The following DGKK variants were observed in gnomAD, a reference collection of about 807,000 sequenced individuals.
DGKK encodes the protein diacylglycerol kinase kappa.
DGKK carries 35 observed loss-of-function variants against 92.2 expected under a neutral mutation model. The ratio of observed to expected loss-of-function variants is 0.38; its 90% confidence interval spans 0.29 to 0.50. The LOEUF is 0.50. Ranked by LOEUF, DGKK falls within the 20% of genes least tolerant of loss-of-function variation. The probability of loss-of-function intolerance (pLI) is 0.92; values close to 1 mark genes in which losing one functional copy is unlikely to be tolerated. For synonymous variants in DGKK, 368 were observed against 360.6 expected (o/e 1.02, Z -0.23); for missense variants, 910 against 992.2 (o/e 0.92, Z 1.11).
At chrX:50,402,587 A>G (rs782329527) in intron 7 of DGKK, among the ~76,000 whole-genome samples, 8 of 111,645 alleles carry the variant, frequency 7.2e-5, no homozygotes, top group Non-Finnish European at 1.3e-4. Context: ...TAAAATGGGA[A>G]CAATGAGGCC....
intron 27 of DGKK, among the ~76,000 whole-genome samples, chrX:50,369,378 C>T (rs1268646778): frequency 2.7e-5 from 3 of 111,610 alleles, no homozygotes; most frequent in African/African-American, 9.8e-5. Flanking sequence ...GGCATTCGTG[C>T]AAACTCTTAG....
chrX:50,432,785 T>G, intron 1 of DGKK, among the ~76,000 whole-genome samples: 1 of 112,282 alleles, frequency 8.9e-6, no homozygotes, highest in Middle Eastern at 4.6e-3. Flanking sequence ...GCCAAAAACA[T>G]AGAAACAGGA....
chrX:50,418,305 C>T (rs1313000123), intron 4 of DGKK, among the ~76,000 whole-genome samples: 4 of 111,920 alleles, frequency 3.6e-5, no homozygotes, highest in East Asian at 2.8e-4. Context: ...GTGTATATAG[C>T]GTCTCCCTAT....
intron 22 of DGKK, among the ~76,000 whole-genome samples, chrX:50,377,428 A>G (rs1924302709): frequency 1.8e-5 from 2 of 112,598 alleles, no homozygotes; most frequent in Middle Eastern, 4.6e-3. Flanking sequence ...GAATAAGTGT[A>G]TCCACCTCAT....
chrX:50,391,643 C>G (rs2046005968), intron 10 of DGKK, 67 bp from the exon 11 acceptor site: 4 of 1,113,365 alleles, frequency 3.6e-6, no homozygotes, highest in Admixed American at 2.3e-5. Flanking sequence ...ATGAAGGAAC[C>G]CAGAGGGTAC....
Position 50,376,757 on chromosome X carries a change from C to T in DGKK, c.3272+1G>A, listed in dbSNP as rs1557223881. 2 of 1,184,760 alleles carry T rather than the reference C, an allele frequency of 1.7e-6. No homozygotes were observed. The highest frequency in any genetic ancestry group is 2.3e-6 in the Non-Finnish European group (2 of 880,724). On this transcript the variant is annotated splice_donor_variant, in intron 23 of 27. Coordinates refer to ENST00000611977, the MANE Select transcript of DGKK (RefSeq NM_001013742.4). LOFTEE classifies it high-confidence loss of function. Reference sequence around the variant, plus strand: ...CCCTGTATCTAGGCCAGTCCACTTACTTGCTGATGAGGTTTTCTGCAAGCC... The same window carrying T: ...CCCTGTATCTAGGCCAGTCCACTTATTTGCTGATGAGGTTTTCTGCAAGCC...
At chrX:50,448,488 A>G (rs996514823) in intron 1 of DGKK, among the ~76,000 whole-genome samples, 3 of 111,337 alleles carry the variant, frequency 2.7e-5, no homozygotes, top group African/African-American at 9.8e-5. Flanking sequence ...ACACTAACTC[A>G]TACTAGTAGG....
intron 16 of DGKK, among the ~76,000 whole-genome samples, 196 bp from the exon 17 acceptor site, chrX:50,384,460 T>C (rs782016054): frequency 9.4e-4 from 104 of 111,032 alleles, no homozygotes; most frequent in Non-Finnish European, 1.7e-3. Context: ...AGAATAAAGC[T>C]GGGCTGCTTG....
intron 8 of DGKK, among the ~76,000 whole-genome samples, chrX:50,399,558 A>G (rs1334609136): frequency 8.9e-6 from 1 of 112,164 alleles, no homozygotes; most frequent in Admixed American, 9.5e-5. Flanking sequence ...AATTAGAGAA[A>G]TATAGATTAA....
intron 16 of DGKK, 43 bp downstream of exon 16, chrX:50,384,677 T>C: frequency 8.9e-7 from 1 of 1,119,451 alleles, no homozygotes; most frequent in Non-Finnish European, 1.2e-6. Context: ...TAAACAACAG[T>C]GACGAAGGCT....
At chrX:50,439,904 G>A (rs1926125837) in intron 1 of DGKK, among the ~76,000 whole-genome samples, 2 of 111,405 alleles carry the variant, frequency 1.8e-5, no homozygotes, top group African/African-American at 6.5e-5. Flanking sequence ...GGCTTCTGAT[G>A]ATAGGTATGA....
intron 11 of DGKK, among the ~76,000 whole-genome samples, chrX:50,391,050 C>T (rs1430437658): frequency 1.8e-5 from 2 of 111,500 alleles, no homozygotes; most frequent in East Asian, 2.9e-4. Context: ...AACCCTTGAA[C>T]GTTATCCATG....
At chrX:50,405,319 A>G (rs1173531059) in intron 4 of DGKK, among the ~76,000 whole-genome samples, 1 of 111,495 alleles carries the variant, frequency 9.0e-6, no homozygotes, top group South Asian at 3.9e-4. Context: ...GGGAAGGGTG[A>G]GCACCAAAAA....
intron 15 of DGKK, among the ~76,000 whole-genome samples, chrX:50,385,125 G>T (rs1924513793): frequency 9.0e-6 from 1 of 111,599 alleles, no homozygotes; most frequent in Non-Finnish European, 1.9e-5. Flanking sequence ...ACATGTGGTT[G>T]TGAGTAGAAG....
chrX:50,370,348 G>C (rs1924087865), intron 27 of DGKK, 78 bp downstream of exon 27: 2 of 1,087,071 alleles, frequency 1.8e-6, no homozygotes, highest in South Asian at 2.3e-5. Context: ...ATTTCTAATG[G>C]GGGCTTCAGG....
rs782416250 is a variant in DGKK, at chrX:50,470,340, CGGTTCTGGGGCCGGCTCTGTGGCA to C, written c.315_338del (p.Thr107_Ala114del). On this transcript the variant is annotated inframe_deletion, in exon 1 of 28. Coordinates refer to ENST00000611977, the MANE Select transcript of DGKK (RefSeq NM_001013742.4). ...CAGACTCTGTGGCAGGTTCTGGGGC[CGGTTCTGGGGCCGGCTCTGTGGCA>C]GGTTCTGGGGCCGGCTCTGTGGCAG... The C allele has an allele frequency of 6.5e-4, 790 of 1,206,220 alleles. 4 individuals carry two copies. The South Asian group carries it at 7.2e-3, about 11-fold the overall frequency.
intron 1 of DGKK, among the ~76,000 whole-genome samples, chrX:50,431,659 G>C (rs1352093579): frequency 9.0e-6 from 1 of 111,231 alleles, no homozygotes; most frequent in African/African-American, 3.3e-5. Flanking sequence ...GCTTGGGTTA[G>C]AGTGCTGGGA....
At chrX:50,434,494 T>TAA (rs1569544900) in intron 1 of DGKK, among the ~76,000 whole-genome samples, 1 of 111,066 alleles carries the variant, frequency 9.0e-6, no homozygotes, top group Non-Finnish European at 1.9e-5. Flanking sequence ...TGATGACGGT[T>TAA]ATCATGATCT....
At chrX:50,384,417 C>T (rs1366995231) in intron 16 of DGKK, among the ~76,000 whole-genome samples, 153 bp from the exon 17 acceptor site, 3 of 111,284 alleles carry the variant, frequency 2.7e-5, no homozygotes, top group Non-Finnish European at 5.7e-5. Context: ...AAAGAGGGAT[C>T]CTCTTGGATG....
Sources: gnomAD v4.1 joint callset for allele counts (sites outside exome capture counted in the v4.1 genomes callset) on GRCh38, gnomAD v4.1.1 for gene constraint, MANE v1.5 for transcripts, NCBI Gene and HGNC (gene_info 2026-07-23, HGNC 2026-07-21) for gene names.